DPP10: variants seen among roughly 807,000 people sequenced by gnomAD.
The protein encoded by DPP10 is inactive dipeptidyl peptidase 10.
Under a neutral mutation model 120.9 loss-of-function variants are expected in DPP10, and 33 were observed. The observed-to-expected ratio is 0.27, with a 90% CI of 0.21 to 0.37. The LOEUF (loss-of-function observed/expected upper bound fraction) is 0.37. Ranked by LOEUF, DPP10 falls within the 10% of genes least tolerant of loss-of-function variation. The probability of loss-of-function intolerance (pLI) is 1.00; values close to 1 mark genes in which losing one functional copy is unlikely to be tolerated. For missense variants in DPP10, 816 were observed against 942.8 expected (o/e 0.87, Z 1.76); for synonymous variants, 337 against 326.1 (o/e 1.03, Z -0.36).
chr2:115,463,091 A>G (rs2074093770), intron 3 of DPP10, among the ~76,000 whole-genome samples: 1 of 152,184 alleles, frequency 6.6e-6, no homozygotes, highest in Non-Finnish European at 1.5e-5. Context: ...AGGGTCATCT[A>G]GTGAAATAGC....
chr2:115,401,861 T>C (rs181086565), intron 3 of DPP10, among the ~76,000 whole-genome samples: 2 of 152,094 alleles, frequency 1.3e-5, no homozygotes, highest in African/African-American at 4.8e-5. Flanking sequence ...TCAATAGATA[T>C]TGACACTACA....
intron 3 of DPP10, among the ~76,000 whole-genome samples, chr2:115,409,266 C>T (rs1232223528): frequency 6.6e-6 from 1 of 151,994 alleles, no homozygotes; most frequent in East Asian, 1.9e-4. Context: ...CCAAAACAAA[C>T]TCAACAAAAA....
At chr2:115,327,702 A>G (rs965790002) in intron 2 of DPP10, among the ~76,000 whole-genome samples, 2 of 152,082 alleles carry the variant, frequency 1.3e-5, no homozygotes, top group African/African-American at 4.8e-5. Flanking sequence ...TGAGATAACC[A>G]TCATATTTCG....
chr2:115,356,652 C>G (rs2064412802), intron 3 of DPP10, among the ~76,000 whole-genome samples: 1 of 152,092 alleles, frequency 6.6e-6, no homozygotes, highest in Admixed American at 6.6e-5. Flanking sequence ...GGGAATGCTT[C>G]CAGATTTTGC....
intron 3 of DPP10, among the ~76,000 whole-genome samples, chr2:115,494,830 G>T (rs1488354007): frequency 6.6e-6 from 1 of 152,054 alleles, no homozygotes; most frequent in Non-Finnish European, 1.5e-5. Context: ...GAACTGATTT[G>T]CCAGAGTTTT....
At chr2:114,553,645 C>T (rs751533861) in intron 1 of DPP10, among the ~76,000 whole-genome samples, 19 of 152,014 alleles carry the variant, frequency 1.2e-4, no homozygotes, top group Admixed American at 3.3e-4. Context: ...AGTGATTGAC[C>T]AGCCTTTTAG....
At chr2:114,978,963 A>G (rs1699921238) in intron 1 of DPP10, among the ~76,000 whole-genome samples, 1 of 152,132 alleles carries the variant, frequency 6.6e-6, no homozygotes, top group Non-Finnish European at 1.5e-5. Context: ...CTCCTCTCAC[A>G]CAAATTAGGA....
intron 1 of DPP10, among the ~76,000 whole-genome samples, chr2:114,788,692 G>T (rs1219870902): frequency 6.6e-6 from 1 of 152,142 alleles, no homozygotes; most frequent in Non-Finnish European, 1.5e-5. Flanking sequence ...TTATACAATA[G>T]TATTATAAGT....
intron 3 of DPP10, among the ~76,000 whole-genome samples, chr2:115,400,598 A>T (rs1487858837): frequency 6.6e-6 from 1 of 152,174 alleles, no homozygotes; most frequent in Non-Finnish European, 1.5e-5. Context: ...ATAGGATTAC[A>T]TTCAGATAAA....
intron 1 of DPP10, among the ~76,000 whole-genome samples, chr2:114,729,775 CA>C (rs1157775839): frequency 6.6e-6 from 1 of 152,218 alleles, no homozygotes; most frequent in African/African-American, 2.4e-5. Flanking sequence ...CGTCCTCAAA[CA>C]ATATCTTGCT....
chr2:115,768,145 T>A (rs1033605804), intron 12 of DPP10, 152 bp from the exon 13 acceptor site: 44 of 617,602 alleles, frequency 7.1e-5, no homozygotes, highest in Non-Finnish European at 8.0e-6. Context: ...GTTTAAAAAA[T>A]AGCATACATT....
intron 3 of DPP10, among the ~76,000 whole-genome samples, chr2:115,349,084 T>C (rs1216181703): frequency 6.6e-6 from 1 of 152,144 alleles, no homozygotes; most frequent in Non-Finnish European, 1.5e-5. Flanking sequence ...GAGAACAGTG[T>C]ATATGTAATG....
chr2:115,792,949 C>T (rs1684151287), intron 19 of DPP10, among the ~76,000 whole-genome samples: 1 of 152,096 alleles, frequency 6.6e-6, no homozygotes, highest in African/African-American at 2.4e-5. Context: ...GATAATTATG[C>T]CCACTTGCGT....
Position 115,842,559 on chromosome 2 carries a change from A to C in DPP10, c.*214A>C. On this transcript the variant is annotated 3_prime_UTR_variant, in exon 26 of 26. Transcript: ENST00000410059. ...CAGAACCCGTTTCTTTGTATGAGAG[A>C]GGTCAAAGGGTTGGTTTCCTGGGAG... 2.3e-6 allele frequency: 1 copy of C among 429,240 alleles called. No individual in the cohort carries two copies. Among genetic ancestry groups the C allele is most frequent in the Non-Finnish European group, 3.9e-6 (1 of 255,740 alleles). 26.6% of individuals were successfully genotyped at this position (429,240 alleles called of 1,614,324 possible). A position where few individuals can be genotyped will look rare whatever the true frequency, so the allele number is the denominator to read the frequency against.
At chr2:114,652,176 C>A (rs1209987247) in intron 1 of DPP10, among the ~76,000 whole-genome samples, 1 of 152,054 alleles carries the variant, frequency 6.6e-6, no homozygotes, top group East Asian at 1.9e-4. Context: ...GGGTGGGTTC[C>A]CCTGTGGAGG....
chr2:115,152,363 T>C (rs1050290769), intron 1 of DPP10, among the ~76,000 whole-genome samples: 6 of 152,234 alleles, frequency 3.9e-5, no homozygotes, highest in African/African-American at 9.6e-5. Flanking sequence ...CTCTGGTCCA[T>C]AGGAATTTCA....
chr2:114,867,837 G>C (rs1345162505), intron 1 of DPP10, among the ~76,000 whole-genome samples: 3 of 152,156 alleles, frequency 2.0e-5, no homozygotes, highest in Non-Finnish European at 4.4e-5. Context: ...CACCAGAAAA[G>C]GTCACTGGGC....
chr2:114,846,669 T>A (rs1688571745), intron 1 of DPP10, among the ~76,000 whole-genome samples: 1 of 152,162 alleles, frequency 6.6e-6, no homozygotes, highest in African/African-American at 2.4e-5. Flanking sequence ...AGAATCTGAC[T>A]GTAGCTGACC....
At chr2:114,827,643 ATGTG>A (rs892398335) in intron 1 of DPP10, among the ~76,000 whole-genome samples, 1 of 151,968 alleles carries the variant, frequency 6.6e-6, no homozygotes, top group Non-Finnish European at 1.5e-5. Context: ...GTGTGCATGC[ATGTG>A]TGTGTGCATG....
Sources: allele counts gnomAD v4.1 joint callset (sites outside exome capture counted in the v4.1 genomes callset), GRCh38; gene constraint gnomAD v4.1.1; transcripts MANE v1.5; gene names NCBI Gene and HGNC (gene_info 2026-07-23, HGNC 2026-07-21).